SHROOM2: variants seen among roughly 807,000 people sequenced by gnomAD.
SHROOM2 encodes shroom family member 2.
SHROOM2 carries 33 observed loss-of-function variants against 75.9 expected under a neutral mutation model. The ratio of observed to expected loss-of-function variants is 0.43; its 90% CI spans 0.33 to 0.58. The LOEUF (loss-of-function observed/expected upper bound fraction) is 0.58. SHROOM2 is among the 20% of genes least tolerant of loss of function. SHROOM2 has a pLI of 0.04. For missense variants in SHROOM2, 1,434 were observed against 1,461.2 expected (o/e 0.98, Z 0.30); for synonymous variants, 655 against 663.6 (o/e 0.99, Z 0.20).
In SHROOM2 at chrX:9,944,769, C is replaced by T. The variant is rs1311423762; in HGVS notation, c.4440C>T (p.Cys1480=). 1.6e-6 allele frequency: 2 copies of T among 1,212,447 alleles called. No homozygotes were observed. Among genetic ancestry groups the T allele is most frequent in the South Asian group, 3.5e-5 (2 of 57,019 alleles). ...AEVEAIVKGV[C]KPSEFDKFRM... ...TGGAGGCCATCGTGAAAGGCGTCTGCAAGCCCAGCGAGTTTGACAAGTTCC... is the reference window on the plus strand; with the variant it reads ...TGGAGGCCATCGTGAAAGGCGTCTGTAAGCCCAGCGAGTTTGACAAGTTCC... Residue 1480 remains cysteine (C), a synonymous_variant, in exon 9 of 10, where the codon TGC becomes TGT. Transcript: ENST00000380913.
At chrX:9,831,526 C>T (rs1230534433) in intron 1 of SHROOM2, among the ~76,000 whole-genome samples, 9 of 111,882 alleles carry the variant, frequency 8.0e-5, no homozygotes, top group African/African-American at 1.3e-4. Context: ...GGTGTGGTGG[C>T]GCATGCCTGT....
intron 1 of SHROOM2, among the ~76,000 whole-genome samples, chrX:9,805,614 G>A (rs1025459279): frequency 8.9e-6 from 1 of 112,296 alleles, no homozygotes; most frequent in African/African-American, 3.2e-5. Context: ...GCAAGTGCCT[G>A]TAATCCCAGC....
At chrX:9,808,380 CAAAAA>C in intron 1 of SHROOM2, among the ~76,000 whole-genome samples, 1 of 72,488 alleles carries the variant, frequency 1.4e-5, no homozygotes, top group Middle Eastern at 9.1e-3. Context: ...TCTGTCTCTA[CAAAAA>C]AAAAAAAAAA....
chrX:9,793,750 C>CTT (rs368389307), intron 1 of SHROOM2, among the ~76,000 whole-genome samples: 1 of 101,188 alleles, frequency 9.9e-6, no homozygotes, highest in African/African-American at 3.6e-5. Context: ...CTCTTCCTTT[C>CTT]TTTTTTTTTT....
intron 1 of SHROOM2, among the ~76,000 whole-genome samples, chrX:9,869,994 G>T (rs1255589671): frequency 9.0e-6 from 1 of 111,580 alleles, no homozygotes; most frequent in Non-Finnish European, 1.9e-5. Context: ...AAGGCAAGTG[G>T]ATGGCTTGAG....
Position 9,792,159 on chromosome X carries a change from T to TAAATAGAATAGAATAGAATACAATAGA in SHROOM2, c.165+5451_165+5452insATAGAATAGAATAGAATACAATAGAAA. ...TAGAATAGAATAGAATAGAATAGAATAATCACCAGTATCTGATACAGGGAG... is the reference window on the plus strand; with the variant it reads ...TAGAATAGAATAGAATAGAATAGAATAAATAGAATAGAATAGAATACAATAGAAATCACCAGTATCTGATACAGGGAG... On this transcript the variant is annotated intron_variant, in intron 1 of 9. Coordinates refer to ENST00000380913, the MANE Select transcript of SHROOM2 (RefSeq NM_001649.4). Among the ~76,000 whole-genome samples, 2 of 7,413 alleles carry TAAATAGAATAGAATAGAATACAATAGA rather than the reference T, an allele frequency of 2.7e-4. 1 individual carries two copies. The highest frequency in any genetic ancestry group is 4.7e-3 in the Admixed American group (2 of 426). 6.4% of individuals were successfully genotyped at this position (7,413 alleles called of 115,157 possible).
chrX:9,868,121 C>A (rs1259337334), intron 1 of SHROOM2, among the ~76,000 whole-genome samples: 2 of 111,760 alleles, frequency 1.8e-5, no homozygotes, highest in African/African-American at 6.5e-5. Context: ...ACCCTGCAAG[C>A]CATGAGTCTT....
In SHROOM2 at chrX:9,896,481, C is replaced by A. The variant is rs73474584; in HGVS notation, c.2573C>A (p.Ala858Glu). ...GACAGCCTCAACGCTCACAGCGCAG[C>A]GGAGAAGGCAGGGACTTCAGACCTG... is the stretch of plus-strand genomic sequence containing the variant. Reference protein sequence around the residue: ...LGDSLNAHSAAEKAGTSDLPR... With the variant: ...LGDSLNAHSAEEKAGTSDLPR... The change falls in exon 4 of 10, where the codon GCG becomes GAG. Residue 858 changes from alanine to glutamate, a missense_variant. Ala to Glu is a moderately radical substitution (Grantham distance 107). Around this residue, in one of 3 missense-constraint regions of SHROOM2, gnomAD observed 1,340 missense variants for 1,338.3 expected, o/e 1.00. Transcript: ENST00000380913. 2 of 1,209,936 alleles carry A rather than the reference C, an allele frequency of 1.7e-6. No homozygotes were observed. Among genetic ancestry groups the A allele is most frequent in the Admixed American group, 2.2e-5 (1 of 45,972 alleles).
rs140417860 is a variant in SHROOM2 at position 9,799,967 on chromosome X, C to A, written c.165+13257C>A. Among the ~76,000 whole-genome samples the A allele has an allele frequency of 1.0e-2, 1,115 of 111,594 alleles. 13 individuals are homozygous for A. The highest frequency in any genetic ancestry group is 0.034 in the African/African-American group (1,052 of 30,708). ...TCATCTTCCTTTACCTTCTCTAATTCTGAATTTCTAATCTTGATCATCAGT... is the reference window on the plus strand; with the variant it reads ...TCATCTTCCTTTACCTTCTCTAATTATGAATTTCTAATCTTGATCATCAGT... On this transcript the variant is annotated intron_variant, in intron 1 of 9. Transcript: ENST00000380913.
intron 1 of SHROOM2, among the ~76,000 whole-genome samples, chrX:9,796,667 T>C (rs2083696753): frequency 9.1e-6 from 1 of 110,348 alleles, no homozygotes; most frequent in African/African-American, 3.3e-5. Flanking sequence ...TGTTTTGATA[T>C]GGGGTCTCGT....
In SHROOM2 at chrX:9,932,223, C is replaced by T. The variant is rs143842098; in HGVS notation, c.2940C>T (p.His980=). 27 of 1,156,756 alleles carry T rather than the reference C, an allele frequency of 2.3e-5. No homozygotes were observed. The African/African-American group carries it at 4.6e-4, about 20-fold the overall frequency. Reference sequence around the variant, plus strand: ...AAGGCAGCCCAGGATCACAGCAGCACCCACCGAGTCAGAAGGCACCGAACC... The same window carrying T: ...AAGGCAGCCCAGGATCACAGCAGCATCCACCGAGTCAGAAGGCACCGAACC... ...CREGSPGSQQ[H]PPSQKAPNPP... Residue 980 remains histidine, a synonymous_variant, in exon 6 of 10, where the codon CAC becomes CAT. Transcript: ENST00000380913.
At chrX:9,919,875 A>C (rs1425726818) in intron 5 of SHROOM2, among the ~76,000 whole-genome samples, 1 of 111,378 alleles carries the variant, frequency 9.0e-6, no homozygotes, top group Non-Finnish European at 1.9e-5. Context: ...AGTACAACTC[A>C]ACTCAGTACA....
Position 9,884,109 on chromosome X carries a change from C to G in SHROOM2, c.318-6868C>G, listed in dbSNP as rs150289615. Among the ~76,000 whole-genome samples the G allele has an allele frequency of 7.5e-3, 840 of 111,618 alleles. 15 individuals carry two copies. The East Asian group carries it at 0.098, about 13-fold the overall frequency. ...CCAAAAGCCCCCCACGTATGTAATA[C>G]CACCAACACCCCCCGCCCCCCATCG... On this transcript the variant is annotated intron_variant, in intron 2 of 9. Coordinates refer to ENST00000380913, the MANE Select transcript of SHROOM2 (RefSeq NM_001649.4).
At chrX:9,845,757 CAT>C (rs199685841) in intron 1 of SHROOM2, among the ~76,000 whole-genome samples, 1,917 of 109,569 alleles carry the variant, frequency 0.017, 48 homozygotes, top group African/African-American at 0.061. Context: ...AGTTGAGAAA[CAT>C]AATTCCTGGC....
chrX:9,823,026 TCTCCTCCTCCTC>T (rs1184264540), intron 1 of SHROOM2, among the ~76,000 whole-genome samples: 818 of 30,327 alleles, frequency 0.027, 30 homozygotes, highest in African/African-American at 0.046. Context: ...TCCTTCTCCT[TCTCCTCCTCCTC>T]CTCCTCCTCC....
At chrX:9,809,840 T>G (rs59222532) in intron 1 of SHROOM2, among the ~76,000 whole-genome samples, 16,683 of 110,491 alleles carry the variant, frequency 0.15, 957 homozygotes, top group African/African-American at 0.17. Flanking sequence ...GCCAATTTTT[T>G]TGTGTGTGTG....
At chrX:9,915,448 T>G (rs2084481913) in intron 5 of SHROOM2, among the ~76,000 whole-genome samples, 1 of 112,235 alleles carries the variant, frequency 8.9e-6, no homozygotes, top group African/African-American at 3.2e-5. Flanking sequence ...CAGGGCTTTG[T>G]TGATGGGAAT....
chrX:9,819,124 G>A (rs1368227136), intron 1 of SHROOM2: 14 of 1,201,208 alleles, frequency 1.2e-5, no homozygotes, highest in Admixed American at 4.4e-5. Flanking sequence ...AGCATGCCTC[G>A]ATAGCCACAG....
intron 1 of SHROOM2, among the ~76,000 whole-genome samples, chrX:9,838,063 T>TTG (rs2083957515): frequency 1.0e-5 from 1 of 97,058 alleles, no homozygotes; most frequent in Non-Finnish European, 2.1e-5. Flanking sequence ...TGTGGTTTTT[T>TTG]TTTTTTTTTT....
Sources: allele counts gnomAD v4.1 joint callset (sites outside exome capture counted in the v4.1 genomes callset), GRCh38; gene constraint gnomAD v4.1.1; regional missense constraint gnomAD v4.1.1; transcripts MANE v1.5; gene names NCBI Gene and HGNC (gene_info 2026-07-23, HGNC 2026-07-21).